MAD1L1: variants seen among roughly 807,000 people sequenced by gnomAD.
MAD1L1 encodes the protein mitotic arrest deficient 1 like 1.
Under a neutral mutation model 96.9 loss-of-function variants are expected in MAD1L1, and 95 were observed. The observed-to-expected ratio is 0.98, with a 90% CI of 0.83 to 1.16. The LOEUF (loss-of-function observed/expected upper bound fraction) is 1.16. Among genes scored for constraint, MAD1L1 ranks in the 50% most tolerant of loss-of-function variants. The pLI is 0.00. For missense variants in MAD1L1, 1,007 were observed against 954.4 expected (o/e 1.06, Z -0.73); for synonymous variants, 473 against 396.6 (o/e 1.19, Z -2.29).
chr7:2,045,842 G>A (rs1441869548), intron 12 of MAD1L1, among the ~76,000 whole-genome samples: 1 of 152,178 alleles, frequency 6.6e-6, no homozygotes, highest in Non-Finnish European at 1.5e-5. Flanking sequence ...AAGCCTCGGA[G>A]CACATGGTGA....
chr7:1,832,844 C>T (rs910050669), intron 18 of MAD1L1, among the ~76,000 whole-genome samples: 7 of 152,078 alleles, frequency 4.6e-5, no homozygotes, highest in African/African-American at 1.7e-4. Flanking sequence ...GTTGGCCAGG[C>T]TGGTCTCGAA....
intron 16 of MAD1L1, among the ~76,000 whole-genome samples, chr7:1,957,049 G>A (rs1024003392): frequency 1.3e-5 from 2 of 152,234 alleles, no homozygotes; most frequent in African/African-American, 2.4e-5. Context: ...CCCCGTGACC[G>A]CTCCCTGTAC....
chr7:2,093,239 C>T (rs530202755), intron 11 of MAD1L1, among the ~76,000 whole-genome samples: 7 of 58,734 alleles, frequency 1.2e-4, no homozygotes, highest in African/African-American at 3.4e-4. Context: ...AGAGAGACTC[C>T]GTGTCAAAAA....
At chr7:1,956,463 T>G (rs1015490602) in intron 16 of MAD1L1, among the ~76,000 whole-genome samples, 3 of 152,086 alleles carry the variant, frequency 2.0e-5, no homozygotes, top group African/African-American at 7.2e-5. Context: ...TATCACGGCA[T>G]AAACATCTGC....
In MAD1L1 at chr7:1,936,636, C is replaced by G. The variant is rs755288934; in HGVS notation, c.1807+51G>C. On this transcript the variant is annotated intron_variant, in intron 17 of 18. Transcript: ENST00000265854. ...CTGCCCCAAAGGCGCACGGATGGACCTACCCACGGAAGGTCGAGGATGGCA... is the reference window on the plus strand; with the variant it reads ...CTGCCCCAAAGGCGCACGGATGGACGTACCCACGGAAGGTCGAGGATGGCA... 48 of 1,519,528 alleles carry G rather than the reference C, an allele frequency of 3.2e-5. 1 individual carries two copies. The South Asian group carries it at 5.5e-4, about 17-fold the overall frequency. 94.1% of individuals were successfully genotyped at this position (1,519,528 alleles called of 1,614,324 possible). A position where few individuals can be genotyped will look rare whatever the true frequency, so the allele number is the denominator to read the frequency against.
intron 12 of MAD1L1, among the ~76,000 whole-genome samples, chr7:2,047,034 T>C (rs1449410098): frequency 6.6e-6 from 1 of 152,166 alleles, no homozygotes; most frequent in Non-Finnish European, 1.5e-5. Context: ...CAATGCCAGC[T>C]CCCGGGTTGA....
chr7:2,002,240 C>T, intron 13 of MAD1L1, 119 bp from the exon 14 acceptor site: 4 of 1,045,702 alleles, frequency 3.8e-6, no homozygotes, highest in Non-Finnish European at 5.8e-6. Context: ...GCAACGGGAC[C>T]CAGGAGCTGG....
At chr7:1,896,248 T>G (rs1052768348) in intron 18 of MAD1L1, among the ~76,000 whole-genome samples, 5 of 152,192 alleles carry the variant, frequency 3.3e-5, no homozygotes, top group Admixed American at 6.5e-5. Context: ...GGGCTGAAAG[T>G]CCGGCCACTG....
At chr7:2,108,498 G>A (rs1001265827) in intron 11 of MAD1L1, among the ~76,000 whole-genome samples, 1 of 152,100 alleles carries the variant, frequency 6.6e-6, no homozygotes, top group Admixed American at 6.5e-5. Flanking sequence ...ACTTGCTATA[G>A]GGCATTAACT....
At chr7:2,169,696 C>G (rs1474029959) in intron 10 of MAD1L1, among the ~76,000 whole-genome samples, 1 of 152,160 alleles carries the variant, frequency 6.6e-6, no homozygotes, top group African/African-American at 2.4e-5. Context: ...CCACAGGGGG[C>G]ACATGGAGCA....
At chr7:1,957,320 C>T (rs985896655) in intron 16 of MAD1L1, among the ~76,000 whole-genome samples, 4 of 152,236 alleles carry the variant, frequency 2.6e-5, no homozygotes, top group Non-Finnish European at 4.4e-5. Flanking sequence ...TAAAAGAACA[C>T]AAACAGCAGT....
intron 15 of MAD1L1, among the ~76,000 whole-genome samples, chr7:1,979,029 G>A (rs1338465765): frequency 6.6e-6 from 1 of 152,228 alleles, no homozygotes; most frequent in Non-Finnish European, 1.5e-5. Flanking sequence ...GCCATGTGCA[G>A]AGCACTTCCT....
chr7:2,215,296 T>C (rs1489995302), intron 9 of MAD1L1, among the ~76,000 whole-genome samples: 1 of 150,582 alleles, frequency 6.6e-6, no homozygotes, highest in Non-Finnish European at 1.5e-5. Context: ...GAGACTCGCT[T>C]GTACCCGGGA....
rs530802960 is a variant in MAD1L1 at position 2,223,642 on chromosome 7, G to A, written c.292-888C>T. 7.2e-5 allele frequency: 11 copies of A among 152,394 alleles called. No homozygotes were observed. The East Asian group carries it at 1.7e-3, about 24-fold the overall frequency. 9.4% of individuals were successfully genotyped at this position (152,394 alleles called of 1,614,324 possible). A position where few individuals can be genotyped will look rare whatever the true frequency, so the allele number is the denominator to read the frequency against. On this transcript the variant is annotated intron_variant, in intron 4 of 18. Coordinates refer to ENST00000265854, the MANE Select transcript of MAD1L1 (RefSeq NM_001013836.2). ...TGAGAGAGGCTGACCCGCGCACCTC[G>A]GAGGGACTCCAGCCCTTGTGAGCTG... is the stretch of plus-strand genomic sequence containing the variant.
chr7:2,094,115 T>G lies in MAD1L1; in HGVS notation c.1074-24777A>C, dbSNP rs118095045. ...CCCGCTGGGAGCACACGCCCAGCCATGAGCAAACTCACAGCCCTTGCTGAG... is the reference window on the plus strand; with the variant it reads ...CCCGCTGGGAGCACACGCCCAGCCAGGAGCAAACTCACAGCCCTTGCTGAG... On this transcript the variant is annotated intron_variant, in intron 11 of 18. Transcript: ENST00000265854. Among the ~76,000 whole-genome samples, 45 of 152,322 alleles carry G rather than the reference T, an allele frequency of 3.0e-4. No homozygotes were observed. In the East Asian group the frequency reaches 8.5e-3, roughly 29 times the overall value.
intron 12 of MAD1L1, among the ~76,000 whole-genome samples, chr7:2,031,315 C>T (rs749357231): frequency 6.6e-6 from 1 of 152,216 alleles, no homozygotes; most frequent in African/African-American, 2.4e-5. Flanking sequence ...TCACACCCTC[C>T]CCACTGGCCT....
chr7:2,209,566 G>T (rs1286656411), intron 10 of MAD1L1, among the ~76,000 whole-genome samples: 5 of 152,226 alleles, frequency 3.3e-5, no homozygotes, highest in Non-Finnish European at 7.3e-5. Context: ...GTGTCAGCAA[G>T]CAAGTCCCAT....
chr7:1,905,728 C>T (rs1427123701), intron 17 of MAD1L1, among the ~76,000 whole-genome samples: 1 of 152,168 alleles, frequency 6.6e-6, no homozygotes, highest in Admixed American at 6.5e-5. Flanking sequence ...GCCGGCCTGA[C>T]CCCCATCTGT....
At chr7:2,166,696 G>A (rs991940195) in intron 10 of MAD1L1, among the ~76,000 whole-genome samples, 2 of 152,250 alleles carry the variant, frequency 1.3e-5, no homozygotes, top group African/African-American at 2.4e-5. Flanking sequence ...TCCGGGAGGC[G>A]TGGCCCGGCC....
Sources: gnomAD v4.1 joint callset for allele counts (sites outside exome capture counted in the v4.1 genomes callset) on GRCh38, gnomAD v4.1.1 for gene constraint, MANE v1.5 for transcripts, NCBI Gene and HGNC (gene_info 2026-07-23, HGNC 2026-07-21) for gene names.